The following CHD7 variants were observed in gnomAD, a reference collection of about 807,000 sequenced individuals.
The protein encoded by CHD7 is ATP-dependent chromatin remodeler CHD7.
CHD7 carries 24 observed loss-of-function variants against 307.3 expected under a neutral mutation model. That is an observed-to-expected ratio of 0.08 (90% confidence interval 0.06 to 0.11). The LOEUF (loss-of-function observed/expected upper bound fraction) is 0.11, where lower values mean the gene tolerates loss of function less well. Among genes scored for constraint, CHD7 ranks in the 10% least tolerant of loss-of-function variants. The pLI is 1.00. For synonymous variants in CHD7, 1,363 were observed against 1,349.9 expected (o/e 1.01, Z -0.21); for missense variants, 3,106 against 3,727.1 (o/e 0.83, Z 4.34).
rs543280246 is a variant in CHD7 at position 60,855,885 on chromosome 8, A to G, written c.6937-90A>G. On this transcript the variant is annotated intron_variant, in intron 32 of 37. Transcript: ENST00000423902. Reference sequence around the variant, plus strand: ...CCTCCAGTTGACTTTTAAACATTTTATGCTCTTTTGCATCTTGATGGATGT... The same window carrying G: ...CCTCCAGTTGACTTTTAAACATTTTGTGCTCTTTTGCATCTTGATGGATGT... 3.4e-5 allele frequency: 28 copies of G among 825,586 alleles called. No individual in the cohort carries two copies. The African/African-American group carries it at 4.5e-4, about 13-fold the overall frequency. The allele number at this position is 825,586 out of a possible 1,614,324, so 51.1% of individuals were successfully genotyped here.
In CHD7 at chr8:60,742,473, C is replaced by T; in HGVS notation, c.1041C>T (p.Tyr347=). The change falls in exon 2 of 38, where the codon TAC becomes TAT. Residue 347 remains tyrosine (Y), a synonymous_variant. Coordinates refer to ENST00000423902, the MANE Select transcript of CHD7 (RefSeq NM_017780.4). Reference sequence around the variant, plus strand: ...CAATGAATCAGTCCGTACCAAGATACCCCAATGCTGTAGGATTCCCATCAA... The same window carrying T: ...CAATGAATCAGTCCGTACCAAGATATCCCAATGCTGTAGGATTCCCATCAA... ...NTPMNQSVPR[Y]PNAVGFPSNS... 1 of 1,613,996 alleles carries T rather than the reference C, an allele frequency of 6.2e-7. No homozygotes were observed. The highest frequency in any genetic ancestry group is 8.5e-7 in the Non-Finnish European group (1 of 1,179,870).
intron 1 of CHD7, among the ~76,000 whole-genome samples, chr8:60,732,252 A>G (rs1273654141): frequency 6.6e-6 from 1 of 152,210 alleles, no homozygotes; most frequent in Non-Finnish European, 1.5e-5. Context: ...AGCTTTCCAG[A>G]AATTTTTTAA....
chr8:60,714,050 G>A (rs1293727749), intron 1 of CHD7, among the ~76,000 whole-genome samples: 2 of 152,050 alleles, frequency 1.3e-5, no homozygotes, highest in African/African-American at 4.8e-5. Context: ...AGACTCCCAG[G>A]GCTGCTTAGG....
chr8:60,862,672 C>A lies in CHD7; in HGVS notation c.8076+20C>A. 1 of 1,482,106 alleles carries A rather than the reference C, an allele frequency of 6.7e-7. No homozygotes were observed. The highest frequency in any genetic ancestry group is 9.2e-7 in the Non-Finnish European group (1 of 1,083,446). The allele number at this position is 1,482,106 out of a possible 1,614,324, so 91.8% of individuals were successfully genotyped here. ...CAGTCTGTAAGTACAAACTGCATTT[C>A]TATCAAGAAAGGTAGCTATACAAAA... On this transcript the variant is annotated intron_variant, in intron 37 of 37. Coordinates refer to ENST00000423902, the MANE Select transcript of CHD7 (RefSeq NM_017780.4).
rs373010712 is a variant in CHD7, at chr8:60,701,865, C to T, written c.-175+22783C>T. Among the ~76,000 whole-genome samples the T allele has an allele frequency of 2.3e-3, 353 of 152,282 alleles. 4 individuals are homozygous for T. Among genetic ancestry groups the T allele is most frequent in the African/African-American group, 8.1e-3 (337 of 41,556 alleles). ...TGGCTTGTTTAATTTTTCTGTAGGG[C>T]ACATGTGTCTTGATGTAGGGTTGTT... On this transcript the variant is annotated intron_variant, in intron 1 of 37. Coordinates refer to ENST00000423902, the MANE Select transcript of CHD7 (RefSeq NM_017780.4).
chr8:60,751,724 T>TA, intron 2 of CHD7, among the ~76,000 whole-genome samples: 1 of 152,280 alleles, frequency 6.6e-6, no homozygotes, highest in South Asian at 2.1e-4. Flanking sequence ...TCACTTAGTG[T>TA]AAAAAATGGA....
At chr8:60,815,646 G>T (rs183372951) in intron 7 of CHD7, among the ~76,000 whole-genome samples, 1 of 152,128 alleles carries the variant, frequency 6.6e-6, no homozygotes, top group Non-Finnish European at 1.5e-5. Context: ...GAGGGGAGGG[G>T]GTTTGCCCAG....
chr8:60,839,186 A>G (rs1488679986), intron 19 of CHD7, among the ~76,000 whole-genome samples: 1 of 152,220 alleles, frequency 6.6e-6, no homozygotes, highest in Non-Finnish European at 1.5e-5. Flanking sequence ...AAATGGAATC[A>G]TATGATGTAT....
At chr8:60,862,405 C>T (rs1335541364) in intron 36 of CHD7, 69 bp downstream of exon 36, 1 of 1,527,728 alleles carries the variant, frequency 6.5e-7, no homozygotes, top group Non-Finnish European at 8.8e-7. Flanking sequence ...TTTATCCTGC[C>T]TTCTTCTATA....
intron 15 of CHD7, among the ~76,000 whole-genome samples, chr8:60,832,038 T>C (rs908337908): frequency 6.6e-6 from 1 of 152,086 alleles, no homozygotes; most frequent in Non-Finnish European, 1.5e-5. Flanking sequence ...TTTTTTTTTC[T>C]TGAGATAGGT....
At chr8:60,776,098 G>A (rs1188809451) in intron 2 of CHD7, among the ~76,000 whole-genome samples, 1 of 152,110 alleles carries the variant, frequency 6.6e-6, no homozygotes, top group Non-Finnish European at 1.5e-5. Flanking sequence ...CCTGAGACCT[G>A]TTTTTATGTG....
chr8:60,679,447 G>GT (rs1805456328), intron 1 of CHD7: 1 of 143,796 alleles, frequency 7.0e-6, no homozygotes, highest in Non-Finnish European at 1.5e-5. Flanking sequence ...GTGGGGGGGG[G>GT]GTACGGGGGA....
intron 1 of CHD7, among the ~76,000 whole-genome samples, chr8:60,731,275 T>C (rs1442652853): frequency 1.3e-5 from 2 of 152,252 alleles, no homozygotes; most frequent in Non-Finnish European, 2.9e-5. Context: ...ATAAGTATTA[T>C]TTATGGTAAG....
rs752672896 is a variant in CHD7, at chr8:60,828,820, C to G, written c.3522+14C>G. ...ACAGAAGAGCAGGTATTTATCAGCT[C>G]CACTTTGTATTTCAGTTATAAAATT... On this transcript the variant is annotated intron_variant, in intron 14 of 37. Coordinates refer to ENST00000423902, the MANE Select transcript of CHD7 (RefSeq NM_017780.4). 11 of 1,608,860 alleles carry G rather than the reference C, an allele frequency of 6.8e-6. No individual in the cohort carries two copies. The East Asian group carries it at 2.5e-4, about 36-fold the overall frequency.
At chr8:60,735,105 A>G (rs980858727) in intron 1 of CHD7, among the ~76,000 whole-genome samples, 1 of 152,176 alleles carries the variant, frequency 6.6e-6, no homozygotes, top group African/African-American at 2.4e-5. Flanking sequence ...CGTTTATTCA[A>G]ACTGCAAGCT....
At chr8:60,826,913 A>G (rs992270132) in intron 13 of CHD7, among the ~76,000 whole-genome samples, 9 of 152,222 alleles carry the variant, frequency 5.9e-5, no homozygotes, top group African/African-American at 2.2e-4. Flanking sequence ...TTGTCAAGGC[A>G]AAAGCACATC....
intron 3 of CHD7, among the ~76,000 whole-genome samples, chr8:60,790,469 C>T (rs920904647): frequency 2.6e-5 from 4 of 152,182 alleles, no homozygotes; most frequent in African/African-American, 7.2e-5. Flanking sequence ...TGCTAGGTTT[C>T]ACTCTATTTT....
At chr8:60,713,485 T>C (rs1807391929) in intron 1 of CHD7, among the ~76,000 whole-genome samples, 2 of 152,134 alleles carry the variant, frequency 1.3e-5, no homozygotes, top group Admixed American at 6.5e-5. Flanking sequence ...TTAGCTAGAA[T>C]ATAGAGGGTG....
At chr8:60,732,900 A>G (rs1303211173) in intron 1 of CHD7, among the ~76,000 whole-genome samples, 2 of 152,186 alleles carry the variant, frequency 1.3e-5, no homozygotes, top group Admixed American at 6.5e-5. Context: ...TCTTCATTTG[A>G]TTTTCTTCTC....
Sources: allele counts gnomAD v4.1 joint callset (sites outside exome capture counted in the v4.1 genomes callset), GRCh38; gene constraint gnomAD v4.1.1; transcripts MANE v1.5; gene names NCBI Gene and HGNC (gene_info 2026-07-23, HGNC 2026-07-21).